Variants in NRBF2 observed in about 807,000 individuals in gnomAD.
NRBF2 encodes the protein nuclear receptor-binding factor 2.
In NRBF2, 12 loss-of-function variants were observed where a neutral mutation model predicts 28.5. The ratio of observed to expected loss-of-function variants is 0.42; its 90% confidence interval spans 0.27 to 0.68. The LOEUF (loss-of-function observed/expected upper bound fraction) is 0.68, where lower values mean the gene tolerates loss of function less well. Ranked by LOEUF, NRBF2 falls within the 30% of genes least tolerant of loss-of-function variation. NRBF2 has a pLI of 0.24. For missense variants in NRBF2, 274 were observed against 333.5 expected (o/e 0.82, Z 1.39); for synonymous variants, 102 against 116.5 (o/e 0.88, Z 0.80).
In NRBF2 at chr10:63,133,461, C is replaced by T; in HGVS notation, c.-10C>T. ...TCCCCTTCCTAAGGCCGCCGCTTAC[C>T]CCGGGGTCTATGGAAGTAATGGAAG... On this transcript the variant is annotated 5_prime_UTR_variant, in exon 1 of 4. Transcript: ENST00000277746. 6.2e-7 allele frequency: 1 copy of T among 1,612,014 alleles called. No individual in the cohort carries two copies. The highest frequency in any genetic ancestry group is 8.5e-7 in the Non-Finnish European group (1 of 1,178,958).
intron 2 of NRBF2, among the ~76,000 whole-genome samples, chr10:63,151,891 C>A (rs1016258140): frequency 1.3e-5 from 2 of 152,108 alleles, no homozygotes; most frequent in East Asian, 3.8e-4. Flanking sequence ...TCTGATTAGA[C>A]CATCTTCAGT....
At chr10:63,142,200 C>T (rs1841480389) in intron 1 of NRBF2, among the ~76,000 whole-genome samples, 1 of 152,136 alleles carries the variant, frequency 6.6e-6, no homozygotes. Flanking sequence ...CATCTCATCC[C>T]TGCTTCTTAG....
In NRBF2 at chr10:63,133,379, C is replaced by T. The variant is rs752198951; in HGVS notation, c.-92C>T. On this transcript the variant is annotated 5_prime_UTR_variant, in exon 1 of 4. Transcript: ENST00000277746. The stretch of plus-strand genomic sequence containing the variant: ...TTGGGGCGCAGAGAGGGGCCGCAGT[C>T]TCCGCGGCTGCGTCGAGCTCCCTTG... 2.7e-6 allele frequency: 4 copies of T among 1,477,158 alleles called. No homozygotes were observed. Among genetic ancestry groups the T allele is most frequent in the Non-Finnish European group, 3.7e-6 (4 of 1,070,278 alleles). 91.5% of individuals were successfully genotyped at this position (1,477,158 alleles called of 1,614,324 possible). A position where few individuals can be genotyped will look rare whatever the true frequency, so the allele number is the denominator to read the frequency against.
chr10:63,154,172 T>A lies in NRBF2; in HGVS notation c.818T>A (p.Leu273His), dbSNP rs770559138. Residue 273 changes from leucine (L) to histidine (H), a missense_variant, in exon 4 of 4, where the codon CTT becomes CAT. By Grantham distance (99) the Leu-to-His change is moderately conservative (BLOSUM62 -3). Coordinates refer to ENST00000277746, the MANE Select transcript of NRBF2 (RefSeq NM_030759.5). ...PLDFPSPELPLMELSEDILKG... is the reference protein window; with the variant it reads ...PLDFPSPELPHMELSEDILKG... ...GATTTTCCATCTCCAGAACTTCCTC[T>A]TATGGAGCTCTCTGAGGATATTCTG... is the stretch of plus-strand genomic sequence containing the variant. 2.5e-5 allele frequency: 41 copies of A among 1,610,532 alleles called. 1 individual carries two copies. The South Asian group carries it at 4.3e-4, about 17-fold the overall frequency.
chr10:63,147,985 C>T (rs770187909), intron 2 of NRBF2, among the ~76,000 whole-genome samples: 1 of 152,056 alleles, frequency 6.6e-6, no homozygotes, highest in Admixed American at 6.5e-5. Flanking sequence ...ACTACAAAGA[C>T]GATGTACCAT....
chr10:63,139,322 T>A (rs1841426653), intron 1 of NRBF2, among the ~76,000 whole-genome samples: 1 of 152,216 alleles, frequency 6.6e-6, no homozygotes, highest in Admixed American at 6.5e-5. Context: ...CTGGTGTTCC[T>A]TTTCTTTTCA....
chr10:63,136,447 A>G (rs951097288), intron 1 of NRBF2, among the ~76,000 whole-genome samples: 5 of 152,230 alleles, frequency 3.3e-5, no homozygotes, highest in Non-Finnish European at 5.9e-5. Flanking sequence ...TCAGAGAGTT[A>G]CTAATGCAAT....
intron 2 of NRBF2, among the ~76,000 whole-genome samples, chr10:63,149,134 T>C (rs1841607959): frequency 6.6e-6 from 1 of 152,182 alleles, no homozygotes; most frequent in Non-Finnish European, 1.5e-5. Flanking sequence ...GTTTTTGGTT[T>C]TTGTTTGAGA....
chr10:63,135,636 C>T (rs1486337545), intron 1 of NRBF2, among the ~76,000 whole-genome samples: 1 of 150,718 alleles, frequency 6.6e-6, no homozygotes, highest in Non-Finnish European at 1.5e-5. Flanking sequence ...AGAAATTTGG[C>T]ATCTTGAATT....
At chr10:63,142,236 G>A (rs1323793248) in intron 1 of NRBF2, among the ~76,000 whole-genome samples, 2 of 151,992 alleles carry the variant, frequency 1.3e-5, no homozygotes, top group African/African-American at 4.8e-5. Context: ...CAGCAACTTT[G>A]GCTTTACCTG....
chr10:63,139,355 A>G (rs1397774305), intron 1 of NRBF2, among the ~76,000 whole-genome samples: 1 of 152,128 alleles, frequency 6.6e-6, no homozygotes, highest in Non-Finnish European at 1.5e-5. Flanking sequence ...AGCTTTCCCC[A>G]AGGACACAGA....
At chr10:63,153,477 T>G (rs1841680563) in intron 3 of NRBF2, 34 bp from the exon 4 acceptor site, 1 of 1,491,432 alleles carries the variant, frequency 6.7e-7, no homozygotes, top group South Asian at 1.2e-5. Flanking sequence ...ACTTAAAATA[T>G]TCTTCCAATT....
chr10:63,140,710 T>TC (rs1398168587), intron 1 of NRBF2, among the ~76,000 whole-genome samples: 1 of 151,556 alleles, frequency 6.6e-6, no homozygotes, highest in Non-Finnish European at 1.5e-5. Flanking sequence ...TATTACTTTT[T>TC]TTTTTTTTGA....
At chr10:63,153,076 C>T (rs77788000) in intron 3 of NRBF2, among the ~76,000 whole-genome samples, 1 of 152,150 alleles carries the variant, frequency 6.6e-6, no homozygotes, top group Admixed American at 6.5e-5. Context: ...TGAGGTATAT[C>T]AGTGGCAGGG....
intron 2 of NRBF2, among the ~76,000 whole-genome samples, chr10:63,150,944 A>G (rs1253548164): frequency 6.6e-6 from 1 of 152,188 alleles, no homozygotes; most frequent in Non-Finnish European, 1.5e-5. Flanking sequence ...GGCAGAACTC[A>G]GGCGGTAATG....
chr10:63,151,897 T>G (rs527631814), intron 2 of NRBF2, among the ~76,000 whole-genome samples: 29 of 152,324 alleles, frequency 1.9e-4, no homozygotes, highest in African/African-American at 7.0e-4. Context: ...TAGACCATCT[T>G]CAGTTTCTGA....
At chr10:63,148,063 A>G (rs1378611405) in intron 2 of NRBF2, among the ~76,000 whole-genome samples, 1 of 152,252 alleles carries the variant, frequency 6.6e-6, no homozygotes, top group African/African-American at 2.4e-5. Flanking sequence ...ATGTAACCCA[A>G]AATGGTCATG....
In NRBF2 at chr10:63,153,622, A is replaced by G. The variant is rs1841683693; in HGVS notation, c.268A>G (p.Thr90Ala). The G allele has an allele frequency of 1.2e-6, 2 of 1,612,012 alleles. No homozygotes were observed. The highest frequency in any genetic ancestry group is 1.7e-6 in the Non-Finnish European group (2 of 1,179,854). ...AGAAAGATTGAAAGCCCAGCAGAACACAGACAAGGATGCAGCTGCCCATCT... is the reference window on the plus strand; with the variant it reads ...AGAAAGATTGAAAGCCCAGCAGAACGCAGACAAGGATGCAGCTGCCCATCT... ...REERLKAQQNTDKDAAAHLQT... is the reference protein window; with the variant it reads ...REERLKAQQNADKDAAAHLQT... The change falls in exon 4 of 4, where the codon ACA (threonine) becomes GCA (alanine). Residue 90 changes from threonine (T) to alanine (A), a missense_variant. Thr to Ala is a moderately conservative substitution (Grantham distance 58, BLOSUM62 0). Coordinates refer to ENST00000277746, the MANE Select transcript of NRBF2 (RefSeq NM_030759.5).
At chr10:63,136,120 CA>C (rs1841373118) in intron 1 of NRBF2, among the ~76,000 whole-genome samples, 1 of 134,074 alleles carries the variant, frequency 7.5e-6, no homozygotes, top group Non-Finnish European at 1.5e-5. Context: ...TTTGAAAATT[CA>C]GACTTTTTTT....
Sources: gnomAD v4.1 joint callset for allele counts (sites outside exome capture counted in the v4.1 genomes callset) on GRCh38, gnomAD v4.1.1 for gene constraint, MANE v1.5 for transcripts, NCBI Gene and HGNC (gene_info 2026-07-23, HGNC 2026-07-21) for gene names.